Variants in FGF12 observed in about 807,000 individuals in gnomAD.
FGF12 encodes the protein fibroblast growth factor 12B.
Under a neutral mutation model 23.6 loss-of-function variants are expected in FGF12, and 14 were observed. The ratio of observed to expected loss-of-function variants is 0.59; its 90% confidence interval spans 0.39 to 0.93. The LOEUF (loss-of-function observed/expected upper bound fraction) is 0.93. Among genes scored for constraint, FGF12 ranks in the 40% least tolerant of loss-of-function variants. The pLI, the probability that FGF12 is intolerant of heterozygous loss-of-function variation, is 0.00. For missense variants in FGF12, 175 were observed against 217.8 expected (o/e 0.80, Z 1.24); for synonymous variants, 62 against 77.3 (o/e 0.80, Z 1.04).
intron 4 of FGF12, among the ~76,000 whole-genome samples, chr3:192,190,447 A>G (rs1304358522): frequency 1.3e-5 from 2 of 150,226 alleles, no homozygotes; most frequent in Non-Finnish European, 3.0e-5. Flanking sequence ...TTAAAATCTG[A>G]CAATCTGTAA....
intron 4 of FGF12, among the ~76,000 whole-genome samples, chr3:192,302,943 G>T (rs987350446): frequency 1.3e-5 from 2 of 152,118 alleles, no homozygotes; most frequent in South Asian, 2.1e-4. Context: ...CAGATAAACA[G>T]GATTTTAAAC....
At chr3:192,641,890 C>A (rs1244498949) in intron 2 of FGF12, among the ~76,000 whole-genome samples, 1 of 152,224 alleles carries the variant, frequency 6.6e-6, no homozygotes. Flanking sequence ...ACAGAGACCA[C>A]AGCATTCAAA....
chr3:192,233,664 G>C (rs1461774342), intron 4 of FGF12, among the ~76,000 whole-genome samples: 6 of 151,956 alleles, frequency 3.9e-5, no homozygotes, highest in African/African-American at 1.2e-4. Flanking sequence ...TTTTTTCTAG[G>C]ATATTTATAA....
At chr3:192,373,260 T>C (rs76682763) in intron 2 of FGF12, among the ~76,000 whole-genome samples, 36 of 151,668 alleles carry the variant, frequency 2.4e-4, no homozygotes, top group Admixed American at 1.7e-3. Flanking sequence ...CTTAGCATAG[T>C]GCCCATTAAC....
In FGF12 at chr3:192,217,171, C is replaced by T. The variant is rs149840327; in HGVS notation, c.229-46515G>A. 3.0e-3 allele frequency among the ~76,000 whole-genome samples: 453 copies of T among 152,320 alleles called. 4 individuals are homozygous for T. The highest frequency in any genetic ancestry group is 0.017 in the Middle Eastern group (5 of 294). Reference sequence around the variant, plus strand: ...TAACCACACAAGGCCTTAGTTTCCTCATCCCTAAAAGAGGGATAATGAAGG... The same window carrying T: ...TAACCACACAAGGCCTTAGTTTCCTTATCCCTAAAAGAGGGATAATGAAGG... On this transcript the variant is annotated intron_variant, in intron 4 of 5. Coordinates refer to ENST00000445105, the MANE Select transcript of FGF12 (RefSeq NM_004113.6).
chr3:192,430,495 A>C (rs924048058), intron 2 of FGF12, among the ~76,000 whole-genome samples: 1 of 152,156 alleles, frequency 6.6e-6, no homozygotes, highest in African/African-American at 2.4e-5. Context: ...AAAGATGGTA[A>C]AGTTTATCTG....
chr3:192,397,161 G>T (rs1720559163), intron 2 of FGF12, among the ~76,000 whole-genome samples: 1 of 152,170 alleles, frequency 6.6e-6, no homozygotes, highest in Non-Finnish European at 1.5e-5. Context: ...CCTGTAGGTG[G>T]AGAGGGAGGA....
chr3:192,576,016 C>A (rs75857581), intron 2 of FGF12, among the ~76,000 whole-genome samples: 1 of 151,918 alleles, frequency 6.6e-6, no homozygotes, highest in African/African-American at 2.4e-5. Flanking sequence ...TTTCACCATC[C>A]AAATAACCTT....
chr3:192,461,216 G>A (rs895949777), intron 2 of FGF12, among the ~76,000 whole-genome samples: 5 of 152,100 alleles, frequency 3.3e-5, no homozygotes, highest in African/African-American at 1.2e-4. Context: ...TACACTGGGA[G>A]GAACATGCTT....
intron 2 of FGF12, among the ~76,000 whole-genome samples, chr3:192,567,748 T>TCTTTCTTTC (rs1378972856): frequency 1.1e-4 from 12 of 112,736 alleles, no homozygotes; most frequent in Middle Eastern, 4.4e-3. Context: ...TTTCTTTCTT[T>TCTTTCTTTC]CTTTCTTTCT....
At chr3:192,319,680 A>G (rs1205190523) in intron 4 of FGF12, among the ~76,000 whole-genome samples, 1 of 152,164 alleles carries the variant, frequency 6.6e-6, no homozygotes, top group Non-Finnish European at 1.5e-5. Context: ...TAGAAACAGA[A>G]AAAGTTTAAA....
chr3:192,382,966 G>C (rs1329879762), intron 2 of FGF12, among the ~76,000 whole-genome samples: 1 of 152,120 alleles, frequency 6.6e-6, no homozygotes, highest in Non-Finnish European at 1.5e-5. Context: ...GTAACAACAC[G>C]GCCAGTCAAG....
intron 2 of FGF12, among the ~76,000 whole-genome samples, chr3:192,634,268 C>A (rs183718994): frequency 6.6e-6 from 1 of 151,984 alleles, no homozygotes; most frequent in Non-Finnish European, 1.5e-5. Context: ...GTTCTACATC[C>A]ATGGATTCAA....
At chr3:192,303,900 A>T (rs1161588698) in intron 4 of FGF12, among the ~76,000 whole-genome samples, 2 of 152,158 alleles carry the variant, frequency 1.3e-5, no homozygotes, top group Non-Finnish European at 2.9e-5. Flanking sequence ...ATACTAACTG[A>T]CATTTTCCTA....
At chr3:192,245,829 C>T (rs1050991290) in intron 4 of FGF12, among the ~76,000 whole-genome samples, 18 of 152,162 alleles carry the variant, frequency 1.2e-4, no homozygotes, top group Non-Finnish European at 7.3e-5. Context: ...AGTTTTACTT[C>T]TACTAGACTG....
intron 4 of FGF12, among the ~76,000 whole-genome samples, chr3:192,313,501 G>A (rs1355144826): frequency 6.6e-6 from 1 of 152,150 alleles, no homozygotes; most frequent in African/African-American, 2.4e-5. Context: ...ATTCATCCTT[G>A]CCCTTGCTAC....
At chr3:192,618,815 T>A (rs1338117994) in intron 2 of FGF12, among the ~76,000 whole-genome samples, 1 of 151,168 alleles carries the variant, frequency 6.6e-6, no homozygotes, top group Non-Finnish European at 1.5e-5. Context: ...GTGAGAACAG[T>A]TCCAAGAATC....
At chr3:192,622,803 C>T (rs1229321441) in intron 2 of FGF12, among the ~76,000 whole-genome samples, 5 of 152,144 alleles carry the variant, frequency 3.3e-5, no homozygotes, top group African/African-American at 1.2e-4. Flanking sequence ...CAGACACAGA[C>T]ACACACACGT....
intron 2 of FGF12, among the ~76,000 whole-genome samples, chr3:192,585,295 T>C (rs1034971704): frequency 6.6e-6 from 1 of 152,166 alleles, no homozygotes; most frequent in African/African-American, 2.4e-5. Flanking sequence ...AGCAACAGGA[T>C]ATAACCCAGG....
Sources: gnomAD v4.1 joint callset for allele counts (sites outside exome capture counted in the v4.1 genomes callset) on GRCh38, gnomAD v4.1.1 for gene constraint, MANE v1.5 for transcripts, NCBI Gene and HGNC (gene_info 2026-07-23, HGNC 2026-07-21) for gene names.